The following ROBO2 variants were observed in gnomAD, a reference collection of about 807,000 sequenced individuals.
The protein encoded by ROBO2 is roundabout homolog 2.
In ROBO2, 53 loss-of-function variants were observed where a neutral mutation model predicts 160.8. The ratio of observed to expected loss-of-function variants is 0.33; its 90% CI spans 0.26 to 0.41. ROBO2 has a LOEUF of 0.41. ROBO2 is among the 10% of genes least tolerant of loss of function. The pLI is 1.00. For synonymous variants in ROBO2, 664 were observed against 611.7 expected, an observed-to-expected ratio of 1.09 and a Z score of -1.26; for missense variants, 1,577 against 1,722.4, an observed-to-expected ratio of 0.92 and a Z score of 1.49.
At chr3:77,265,921 G>T (rs2059093490) in intron 2 of ROBO2, among the ~76,000 whole-genome samples, 2 of 152,240 alleles carry the variant, frequency 1.3e-5, no homozygotes, top group South Asian at 2.1e-4. Context: ...ATCCAAGTTT[G>T]CCTGTTTAAT....
intron 2 of ROBO2, among the ~76,000 whole-genome samples, chr3:76,166,241 G>A (rs1464917214): frequency 6.6e-6 from 1 of 151,988 alleles, no homozygotes; most frequent in Non-Finnish European, 1.5e-5. Flanking sequence ...TTTTTGGTTT[G>A]GTTTTGGTAT....
intron 2 of ROBO2, among the ~76,000 whole-genome samples, chr3:76,022,499 C>T (rs549198688): frequency 3.3e-5 from 5 of 151,788 alleles, no homozygotes; most frequent in South Asian, 2.1e-4. Flanking sequence ...CTTGATTCAG[C>T]GGCTACAGAA....
At chr3:77,139,046 A>C (rs1228533302) in intron 2 of ROBO2, among the ~76,000 whole-genome samples, 1 of 152,172 alleles carries the variant, frequency 6.6e-6, no homozygotes, top group African/African-American at 2.4e-5. Flanking sequence ...ATTCTATTAA[A>C]GGTAGAATAG....
chr3:76,879,819 T>C (rs1196682712), intron 2 of ROBO2, among the ~76,000 whole-genome samples: 1 of 152,160 alleles, frequency 6.6e-6, no homozygotes, highest in Non-Finnish European at 1.5e-5. Context: ...CTGTTCGTTA[T>C]CTGTCCTGAT....
chr3:76,349,010 T>A (rs577184759), intron 2 of ROBO2, among the ~76,000 whole-genome samples: 2 of 152,138 alleles, frequency 1.3e-5, no homozygotes, highest in Non-Finnish European at 2.9e-5. Context: ...CAGTTATACA[T>A]GGCAACTTTA....
intron 2 of ROBO2, among the ~76,000 whole-genome samples, chr3:76,364,752 T>C (rs906556786): frequency 1.3e-5 from 2 of 152,082 alleles, no homozygotes; most frequent in African/African-American, 4.8e-5. Flanking sequence ...ACAGTAACTC[T>C]TTTCCTTGAG....
intron 2 of ROBO2, among the ~76,000 whole-genome samples, chr3:77,433,305 G>A (rs1031139536): frequency 6.6e-5 from 10 of 151,616 alleles, no homozygotes; most frequent in African/African-American, 2.4e-4. Flanking sequence ...TATTAGCTAG[G>A]AGAGTTAACC....
chr3:77,473,059 C>T (rs1560933663), intron 2 of ROBO2, among the ~76,000 whole-genome samples: 1 of 151,796 alleles, frequency 6.6e-6, no homozygotes. Flanking sequence ...GGAGGGGTTC[C>T]GAGCGTATCT....
At chr3:77,353,461 G>A (rs956835047) in intron 2 of ROBO2, among the ~76,000 whole-genome samples, 9 of 152,096 alleles carry the variant, frequency 5.9e-5, no homozygotes, top group Admixed American at 2.6e-4. Context: ...AAGGATAAAC[G>A]TACTTGGTAT....
chr3:76,170,030 T>G (rs1243754592), intron 2 of ROBO2, among the ~76,000 whole-genome samples: 1 of 152,180 alleles, frequency 6.6e-6, no homozygotes, highest in Non-Finnish European at 1.5e-5. Flanking sequence ...TCCACTCGGC[T>G]CAGCCTCCCA....
intron 2 of ROBO2, among the ~76,000 whole-genome samples, chr3:76,717,824 G>GCAAATTA (rs1560436720): frequency 6.6e-6 from 1 of 151,566 alleles, no homozygotes; most frequent in African/African-American, 2.4e-5. Flanking sequence ...CCATAACCAA[G>GCAAATTA]ATTTGCAGGT....
At chr3:77,257,327 G>A (rs1394110215) in intron 2 of ROBO2, among the ~76,000 whole-genome samples, 1 of 152,182 alleles carries the variant, frequency 6.6e-6, no homozygotes, top group Non-Finnish European at 1.5e-5. Flanking sequence ...ACATGGCCCA[G>A]TGAGTGCTTT....
At chr3:76,062,345 T>TTA (rs397877999) in intron 2 of ROBO2, among the ~76,000 whole-genome samples, 8 of 151,876 alleles carry the variant, frequency 5.3e-5, no homozygotes, top group African/African-American at 1.9e-4. Context: ...ATTTTTTTTT[T>TTA]ATCAGAAATC....
chr3:76,150,371 T>C (rs2072131417), intron 2 of ROBO2, among the ~76,000 whole-genome samples: 1 of 151,742 alleles, frequency 6.6e-6, no homozygotes, highest in Non-Finnish European at 1.5e-5. Context: ...AACACACATC[T>C]GTCTAAAGCA....
chr3:76,430,482 C>T (rs1056154415), intron 2 of ROBO2, among the ~76,000 whole-genome samples: 1 of 151,918 alleles, frequency 6.6e-6, no homozygotes, highest in Admixed American at 6.6e-5. Context: ...AATCAGAAGC[C>T]TATTTTTATT....
chr3:76,705,858 C>G (rs1436887438), intron 2 of ROBO2, among the ~76,000 whole-genome samples: 3 of 152,068 alleles, frequency 2.0e-5, no homozygotes, highest in Non-Finnish European at 4.4e-5. Context: ...CCTGTGATCT[C>G]AAAATGACTT....
intron 2 of ROBO2, among the ~76,000 whole-genome samples, chr3:76,037,795 C>A (rs1026302914): frequency 1.3e-5 from 2 of 151,980 alleles, no homozygotes; most frequent in Non-Finnish European, 2.9e-5. Flanking sequence ...TATTATAGAA[C>A]AAAATCCTTA....
intron 2 of ROBO2, among the ~76,000 whole-genome samples, chr3:75,984,495 C>G (rs1559805216): frequency 6.6e-6 from 1 of 151,402 alleles, no homozygotes; most frequent in Non-Finnish European, 1.5e-5. Context: ...TTTGAATACT[C>G]AGTACTATGA....
chr3:77,425,195 GAAAA>G (rs147560096), intron 2 of ROBO2, among the ~76,000 whole-genome samples: 2 of 104,478 alleles, frequency 1.9e-5, no homozygotes, highest in East Asian at 2.9e-4. Flanking sequence ...GCAATGGCAA[GAAAA>G]AAAAAAAAAA....
Sources: gnomAD v4.1 joint callset for allele counts (sites outside exome capture counted in the v4.1 genomes callset) on GRCh38, gnomAD v4.1.1 for gene constraint, MANE v1.5 for transcripts, NCBI Gene and HGNC (gene_info 2026-07-23, HGNC 2026-07-21) for gene names.